MAF: variants seen among roughly 807,000 people sequenced by gnomAD.
The protein encoded by MAF is MAF bZIP transcription factor.
Under a neutral mutation model 22.0 loss-of-function variants are expected in MAF, and 10 were observed. That is an observed-to-expected ratio of 0.45 (90% CI 0.28 to 0.77). MAF has a LOEUF of 0.77. Ranked by LOEUF, MAF falls within the 30% of genes least tolerant of loss-of-function variation. The pLI is 0.12. For missense variants in MAF, 544 were observed against 548.4 expected (o/e 0.99, Z 0.08); for synonymous variants, 337 against 255.8 (o/e 1.32, Z -3.03).
the MAF span, among the ~76,000 whole-genome samples, chr16:79,356,978 C>A: frequency 6.6e-6 from 1 of 152,066 alleles, no homozygotes; most frequent in Non-Finnish European, 1.5e-5. Context: ...AAAACTAGAC[C>A]GGGGATGGTG....
chr16:79,218,837 G>A, the MAF span, among the ~76,000 whole-genome samples: 36 of 152,138 alleles, frequency 2.4e-4, no homozygotes, highest in Middle Eastern at 0.01. Flanking sequence ...CACCAGTGAA[G>A]AGCCTACCTT....
chr16:79,324,462 T>G, the MAF span, among the ~76,000 whole-genome samples: 1 of 152,316 alleles, frequency 6.6e-6, no homozygotes, highest in East Asian at 1.9e-4. Flanking sequence ...TATGCATGGA[T>G]TTTGGTATTA....
the MAF span, among the ~76,000 whole-genome samples, chr16:79,265,710 G>C: frequency 6.6e-6 from 1 of 152,174 alleles, no homozygotes; most frequent in Non-Finnish European, 1.5e-5. Flanking sequence ...AGCAATCTCA[G>C]CACACAATGT....
chr16:79,341,984 T>C, the MAF span, among the ~76,000 whole-genome samples: 4 of 152,358 alleles, frequency 2.6e-5, no homozygotes, highest in East Asian at 7.7e-4. Flanking sequence ...ACAACTATTA[T>C]GAACAACAAC....
At chr16:79,232,745 G>A in the MAF span, among the ~76,000 whole-genome samples, 1 of 151,870 alleles carries the variant, frequency 6.6e-6, no homozygotes, top group Admixed American at 6.6e-5. Context: ...TTTGATCTAT[G>A]GATTTGATAG....
chr16:79,565,713 T>G, the MAF span, among the ~76,000 whole-genome samples: 7 of 152,204 alleles, frequency 4.6e-5, no homozygotes, highest in African/African-American at 1.7e-4. Context: ...TGCTGAACTC[T>G]GAGTCAACTA....
the MAF span, among the ~76,000 whole-genome samples, chr16:79,322,164 C>A: frequency 6.6e-6 from 1 of 152,060 alleles, no homozygotes; most frequent in South Asian, 2.1e-4. Flanking sequence ...TCCCAGGAGG[C>A]GGAGGTTGCA....
chr16:79,418,701 G>A, the MAF span, among the ~76,000 whole-genome samples: 1 of 152,128 alleles, frequency 6.6e-6, no homozygotes, highest in African/African-American at 2.4e-5. Flanking sequence ...TGATCCCCGG[G>A]CGCCTACCAT....
chr16:79,267,283 G>A, the MAF span, among the ~76,000 whole-genome samples: 137 of 152,284 alleles, frequency 9.0e-4, no homozygotes, highest in African/African-American at 3.0e-3. Flanking sequence ...CTCTATGGAG[G>A]GTCCAGCTAG....
At chr16:79,583,004 C>A (rs2143674808), downstream of MAF, among the ~76,000 whole-genome samples, 1 of 152,262 alleles carries the variant, frequency 6.6e-6, no homozygotes. Flanking sequence ...ACGTGGTTCA[C>A]CATTTCTGTT....
chr16:79,275,193 T>G, the MAF span, among the ~76,000 whole-genome samples: 1 of 152,198 alleles, frequency 6.6e-6, no homozygotes, highest in South Asian at 2.1e-4. Flanking sequence ...TTGTCTCTAC[T>G]AAAAATACCC....
chr16:79,321,653 T>C, the MAF span, among the ~76,000 whole-genome samples: 2,118 of 138,172 alleles, frequency 0.015, 29 homozygotes, highest in South Asian at 0.034. Context: ...TTCTTTTTTT[T>C]TTTTTTTTTT....
the MAF span, among the ~76,000 whole-genome samples, chr16:79,267,161 G>A: frequency 2.0e-5 from 3 of 152,230 alleles, no homozygotes; most frequent in African/African-American, 7.2e-5. Flanking sequence ...CAATTTTGCT[G>A]AAGTTACAGG....
At chr16:79,276,292 T>C in the MAF span, among the ~76,000 whole-genome samples, 1 of 152,152 alleles carries the variant, frequency 6.6e-6, no homozygotes, top group Non-Finnish European at 1.5e-5. Context: ...TTTAGACTGG[T>C]CTAAATAAAT....
chr16:79,441,330 A>T, the MAF span, among the ~76,000 whole-genome samples: 1 of 152,190 alleles, frequency 6.6e-6, no homozygotes, highest in Non-Finnish European at 1.5e-5. Flanking sequence ...CCTCTCTTAC[A>T]CACTTAAAAA....
the MAF span, among the ~76,000 whole-genome samples, chr16:79,333,524 C>T: frequency 6.6e-6 from 1 of 152,282 alleles, no homozygotes; most frequent in East Asian, 1.9e-4. Flanking sequence ...CCCCAGGAGG[C>T]ATTTATGTCA....
the MAF span, among the ~76,000 whole-genome samples, chr16:79,373,313 A>T: frequency 2.1e-5 from 3 of 139,976 alleles, no homozygotes; most frequent in Admixed American, 2.2e-4. Context: ...TAAATGAATT[A>T]ATTCATCTAT....
chr16:79,515,700 G>C, the MAF span, among the ~76,000 whole-genome samples: 37 of 152,250 alleles, frequency 2.4e-4, no homozygotes, highest in African/African-American at 8.7e-4. Context: ...CGTGCTTCCT[G>C]CCCTTGCTAC....
At chr16:79,426,161 G>A in the MAF span, among the ~76,000 whole-genome samples, 38 of 151,806 alleles carry the variant, frequency 2.5e-4, no homozygotes, top group African/African-American at 8.7e-4. Context: ...AGCCGAGATC[G>A]TGCCACTGCA....
Sources: gnomAD v4.1 joint callset for allele counts (sites outside exome capture counted in the v4.1 genomes callset) on GRCh38, gnomAD v4.1.1 for gene constraint, MANE v1.5 for transcripts, NCBI Gene and HGNC (gene_info 2026-07-23, HGNC 2026-07-21) for gene names.